SETBP1: variants seen among roughly 807,000 people sequenced by gnomAD.
SETBP1 encodes the protein SET binding protein 1, also known as SET-binding protein.
SETBP1 carries 9 observed loss-of-function variants against 101.0 expected under a neutral mutation model. That is an observed-to-expected ratio of 0.09 (90% confidence interval 0.05 to 0.16). The LOEUF is 0.16. SETBP1 is among the 10% of genes least tolerant of loss of function. The pLI, the probability that SETBP1 is intolerant of heterozygous loss-of-function variation, is 1.00. For synonymous variants in SETBP1, 818 were observed against 788.5 expected (o/e 1.04, Z -0.63); for missense variants, 1,858 against 2,033.8 (o/e 0.91, Z 1.66).
At chr18:44,909,498 G>C (rs2144872449) in intron 3 of SETBP1, among the ~76,000 whole-genome samples, 1 of 152,318 alleles carries the variant, frequency 6.6e-6, no homozygotes, top group East Asian at 1.9e-4. Flanking sequence ...TCTGTCCTCT[G>C]AACTTAGGAG....
At chr18:45,027,827 A>G (rs1167494963) in intron 4 of SETBP1, among the ~76,000 whole-genome samples, 1 of 152,062 alleles carries the variant, frequency 6.6e-6, no homozygotes, top group African/African-American at 2.4e-5. Flanking sequence ...TCTGAATGGG[A>G]CTCATTGAGC....
chr18:44,747,252 A>G (rs924005503), intron 2 of SETBP1, among the ~76,000 whole-genome samples: 4 of 152,198 alleles, frequency 2.6e-5, no homozygotes, highest in African/African-American at 9.7e-5. Context: ...GTTCTCCTTC[A>G]TGTGGGTTAA....
At chr18:44,847,235 T>C (rs989943166) in intron 2 of SETBP1, among the ~76,000 whole-genome samples, 10 of 152,230 alleles carry the variant, frequency 6.6e-5, no homozygotes, top group African/African-American at 2.4e-4. Context: ...TCTTGCTTCT[T>C]CACTTCTGAG....
intron 5 of SETBP1, among the ~76,000 whole-genome samples, chr18:45,062,283 C>T (rs1393060398): frequency 2.0e-5 from 3 of 152,250 alleles, no homozygotes; most frequent in Admixed American, 6.5e-5. Flanking sequence ...TCTTTGCAAA[C>T]GCCAGCCTGG....
chr18:44,854,313 A>C (rs2072930250), intron 2 of SETBP1, among the ~76,000 whole-genome samples: 1 of 152,086 alleles, frequency 6.6e-6, no homozygotes, highest in African/African-American at 2.4e-5. Context: ...GGTGTAGCAG[A>C]CTCACTGCGT....
intron 2 of SETBP1, among the ~76,000 whole-genome samples, chr18:44,761,863 G>C (rs1013680809): frequency 6.6e-6 from 1 of 152,140 alleles, no homozygotes; most frequent in Non-Finnish European, 1.5e-5. Context: ...GAAATCAGTT[G>C]CCTTGTTTAT....
intron 4 of SETBP1, among the ~76,000 whole-genome samples, chr18:44,955,453 C>T (rs573683564): frequency 2.0e-4 from 30 of 152,336 alleles, no homozygotes; most frequent in African/African-American, 7.0e-4. Flanking sequence ...CTTTGGGGTA[C>T]TGTCTGCCCA....
intron 2 of SETBP1, among the ~76,000 whole-genome samples, chr18:44,718,781 A>G (rs2069521223): frequency 6.6e-6 from 1 of 152,048 alleles, no homozygotes. Flanking sequence ...TTGTTGCTTC[A>G]CCCAAGGTAT....
At chr18:44,859,175 T>C (rs1001336354) in intron 2 of SETBP1, among the ~76,000 whole-genome samples, 9 of 152,162 alleles carry the variant, frequency 5.9e-5, no homozygotes, top group Admixed American at 3.3e-4. Context: ...ACAAAATCCT[T>C]TGGTCACCCA....
intron 4 of SETBP1, among the ~76,000 whole-genome samples, chr18:45,002,172 A>G (rs2072631053): frequency 6.6e-6 from 1 of 152,128 alleles, no homozygotes; most frequent in Non-Finnish European, 1.5e-5. Context: ...AGCTATGCTG[A>G]TGAAAACAGG....
At chr18:45,052,032 A>G (rs1217177061) in intron 5 of SETBP1, among the ~76,000 whole-genome samples, 1 of 123,176 alleles carries the variant, frequency 8.1e-6, no homozygotes, top group Non-Finnish European at 1.9e-5. Context: ...GATTGATTTC[A>G]AGTAAGTCAG....
chr18:44,904,252 T>C (rs2070119581), intron 3 of SETBP1, among the ~76,000 whole-genome samples: 1 of 152,220 alleles, frequency 6.6e-6, no homozygotes, highest in Admixed American at 6.5e-5. Flanking sequence ...ACTTTTTTTG[T>C]TTATGCATAA....
chr18:45,055,452 A>C (rs1294867451), intron 5 of SETBP1, among the ~76,000 whole-genome samples: 2 of 152,218 alleles, frequency 1.3e-5, no homozygotes, highest in Non-Finnish European at 2.9e-5. Context: ...TAATGAAACA[A>C]AAATATTTTT....
chr18:45,006,108 C>A (rs2072720565), intron 4 of SETBP1, among the ~76,000 whole-genome samples: 9 of 151,742 alleles, frequency 5.9e-5, no homozygotes, highest in Non-Finnish European at 1.5e-5. Context: ...CATGCACCAC[C>A]ATGCCCAGCT....
chr18:45,020,022 A>G (rs4890501), intron 4 of SETBP1, among the ~76,000 whole-genome samples: 56,992 of 151,690 alleles, frequency 0.38, 11,480 homozygotes, highest in East Asian at 0.53. Context: ...TTTTCCTTAT[A>G]TATAAAATAT....
At chr18:44,711,335 T>C (rs2144268223) in intron 2 of SETBP1, among the ~76,000 whole-genome samples, 1 of 143,742 alleles carries the variant, frequency 7.0e-6, no homozygotes. Context: ...TGCAGCTTCA[T>C]CTGGGAGACC....
intron 5 of SETBP1, among the ~76,000 whole-genome samples, chr18:45,053,274 A>G (rs2073753172): frequency 6.6e-6 from 1 of 152,232 alleles, no homozygotes. Context: ...CTAAAATCTC[A>G]GATCAACTTT....
At chr18:44,782,522 G>T (rs186071906) in intron 2 of SETBP1, among the ~76,000 whole-genome samples, 554 of 152,292 alleles carry the variant, frequency 3.6e-3, no homozygotes, top group Non-Finnish European at 5.7e-3. Context: ...GAGTGCTCCA[G>T]CAAGGAAAGT....
At chr18:45,014,646 C>T (rs2072906132) in intron 4 of SETBP1, among the ~76,000 whole-genome samples, 2 of 152,026 alleles carry the variant, frequency 1.3e-5, no homozygotes, top group South Asian at 2.1e-4. Flanking sequence ...AAACAAGGAC[C>T]GTATGGCATT....
Sources: gnomAD v4.1 joint callset for allele counts (sites outside exome capture counted in the v4.1 genomes callset) on GRCh38, gnomAD v4.1.1 for gene constraint, MANE v1.5 for transcripts, NCBI Gene and HGNC (gene_info 2026-07-23, HGNC 2026-07-21) for gene names.